The following UGT1A10 variants were observed in gnomAD, a reference collection of about 807,000 sequenced individuals.
UGT1A10 encodes UDP-glucuronosyltransferase 1A10.
In UGT1A10, 49 loss-of-function variants were observed where a neutral mutation model predicts 45.8. That is an observed-to-expected ratio of 1.07 (90% CI 0.85 to 1.36). The LOEUF (loss-of-function observed/expected upper bound fraction) is 1.36, where lower values mean the gene tolerates loss of function less well. UGT1A10 is among the 40% of genes most tolerant of loss of function. The pLI is 0.00. For synonymous variants in UGT1A10, 284 were observed against 249.7 expected (o/e 1.14, Z -1.29); for missense variants, 745 against 668.6 (o/e 1.11, Z -1.26).
chr2:233,759,396 C>T (rs1317272404), intron 1 of UGT1A10, among the ~76,000 whole-genome samples: 1 of 152,086 alleles, frequency 6.6e-6, no homozygotes, highest in African/African-American at 2.4e-5. Context: ...TCAGAGTAAC[C>T]GTGTGACCTG....
chr2:233,767,204 A>G, intron 2 of UGT1A10, 39 bp downstream of exon 2: 1 of 1,613,356 alleles, frequency 6.2e-7, no homozygotes, highest in Non-Finnish European at 8.5e-7. Flanking sequence ...ATCTATTTTC[A>G]CAGGAGCGCT....
chr2:233,752,917 C>T (rs758108184), intron 1 of UGT1A10, among the ~76,000 whole-genome samples: 1 of 152,208 alleles, frequency 6.6e-6, no homozygotes, highest in Non-Finnish European at 1.5e-5. Flanking sequence ...CTCTGAGTGA[C>T]ACTGGTATGC....
chr2:233,636,845 T>C lies in UGT1A10; in HGVS notation c.323T>C (p.Leu108Pro), dbSNP rs1323587461. Reference sequence around the variant, plus strand: ...GCACAGGCACAAAGTATATTTTCTCTATTAATGAGTTCATCCAGTGGTTTT... The same window carrying C: ...GCACAGGCACAAAGTATATTTTCTCCATTAATGAGTTCATCCAGTGGTTTT... The part of the protein sequence containing the change: ...WKAQAQSIFS[L>P]LMSSSSGFLD... The change falls in exon 1 of 5, where the codon CTA becomes CCA. Residue 108 changes from leucine (L) to proline (P), a missense_variant. By Grantham distance (98) the Leu-to-Pro change is moderately conservative. Transcript: ENST00000344644. 4 of 1,614,038 alleles carry C rather than the reference T, an allele frequency of 2.5e-6. No individual in the cohort carries two copies. The highest frequency in any genetic ancestry group is 3.4e-6 in the Non-Finnish European group (4 of 1,179,972).
At chr2:233,680,906 T>C (rs1045002964) in intron 1 of UGT1A10, among the ~76,000 whole-genome samples, 3 of 151,948 alleles carry the variant, frequency 2.0e-5, no homozygotes, top group Non-Finnish European at 4.4e-5. Context: ...CTGCAGACAA[T>C]GTATCTGAGG....
intron 1 of UGT1A10, among the ~76,000 whole-genome samples, chr2:233,700,492 A>G (rs770742590): frequency 7.9e-5 from 12 of 152,320 alleles, no homozygotes; most frequent in East Asian, 3.9e-4. Flanking sequence ...AGTACATAAA[A>G]GCCTAGAAAC....
At chr2:233,655,713 G>T (rs187663919) in intron 1 of UGT1A10, among the ~76,000 whole-genome samples, 13 of 152,302 alleles carry the variant, frequency 8.5e-5, no homozygotes, top group African/African-American at 1.9e-4. Context: ...TGGCCTCAGG[G>T]TGCCTGTCAG....
chr2:233,749,046 C>T (rs1190467042), intron 1 of UGT1A10, among the ~76,000 whole-genome samples: 1 of 151,734 alleles, frequency 6.6e-6, no homozygotes, highest in Non-Finnish European at 1.5e-5. Flanking sequence ...ATGTGGTACT[C>T]TGGGACCTGA....
At chr2:233,743,408 C>T in intron 1 of UGT1A10, 1 of 1,315,376 alleles carries the variant, frequency 7.6e-7, no homozygotes. Flanking sequence ...GAAAGGCCCC[C>T]ACTTCCCAGG....
At chr2:233,640,328 C>G (rs564464359) in intron 1 of UGT1A10, among the ~76,000 whole-genome samples, 2 of 152,080 alleles carry the variant, frequency 1.3e-5, no homozygotes, top group African/African-American at 4.8e-5. Flanking sequence ...TTTAAAGAAA[C>G]TTTTTGGCTG....
chr2:233,683,353 T>C (rs2074630089), intron 1 of UGT1A10, among the ~76,000 whole-genome samples: 1 of 152,192 alleles, frequency 6.6e-6, no homozygotes, highest in South Asian at 2.1e-4. Context: ...AGTCTTTACT[T>C]TGGATGCAAT....
intron 1 of UGT1A10, among the ~76,000 whole-genome samples, chr2:233,653,690 G>A (rs912065195): frequency 2.0e-5 from 3 of 152,182 alleles, no homozygotes; most frequent in East Asian, 1.9e-4. Context: ...TCTGCTGCCC[G>A]AGTTCAAGCG....
chr2:233,755,009 G>C (rs1198421851), intron 1 of UGT1A10: 1 of 1,292,254 alleles, frequency 7.7e-7, no homozygotes, highest in African/African-American at 1.5e-5. Context: ...AGACCTACTC[G>C]AAGGGGTCCT....
chr2:233,651,803 TTG>T (rs888901475), intron 1 of UGT1A10, among the ~76,000 whole-genome samples: 1 of 152,096 alleles, frequency 6.6e-6, no homozygotes, highest in African/African-American at 2.4e-5. Flanking sequence ...CCACGCGTGT[TTG>T]TGTGTGTGCA....
chr2:233,639,358 C>G (rs554501283), intron 1 of UGT1A10, among the ~76,000 whole-genome samples: 47 of 152,276 alleles, frequency 3.1e-4, no homozygotes, highest in African/African-American at 9.4e-4. Flanking sequence ...AATTCGATCT[C>G]AAAGAGGGCT....
chr2:233,672,289 T>A, intron 1 of UGT1A10: 1 of 1,613,896 alleles, frequency 6.2e-7, no homozygotes, highest in Non-Finnish European at 8.5e-7. Flanking sequence ...CATTTTTGAC[T>A]TATTTTTTTC....
chr2:233,636,795 G>T lies in UGT1A10; in HGVS notation c.273G>T (p.Met91Ile). 2 of 1,614,174 alleles carry T rather than the reference G, an allele frequency of 1.2e-6. No homozygotes were observed. Among genetic ancestry groups the T allele is most frequent in the Non-Finnish European group, 1.7e-6 (2 of 1,180,014 alleles). The change falls in exon 1 of 5, where the codon ATG becomes ATT. Residue 91 changes from methionine to isoleucine, a missense_variant. Transcript: ENST00000344644. ...TGGAAGATCAGAACCGGGAATTCAT[G>T]GTTTTCGCCCATGCTCAATGGAAAG... The part of the protein sequence containing the change: ...YTLEDQNREF[M>I]VFAHAQWKAQ...
At chr2:233,668,179 A>G (rs1342011394) in intron 1 of UGT1A10, among the ~76,000 whole-genome samples, 1 of 151,840 alleles carries the variant, frequency 6.6e-6, no homozygotes, top group African/African-American at 2.4e-5. Context: ...TACATTAGGT[A>G]TTTTTCCTAA....
intron 1 of UGT1A10, among the ~76,000 whole-genome samples, chr2:233,658,291 T>C (rs756244346): frequency 6.6e-6 from 1 of 152,164 alleles, no homozygotes; most frequent in Non-Finnish European, 1.5e-5. Flanking sequence ...AGTGCTGGGA[T>C]TACAGGTGTG....
At chr2:233,640,424 G>A (rs977105444) in intron 1 of UGT1A10, among the ~76,000 whole-genome samples, 1 of 151,636 alleles carries the variant, frequency 6.6e-6, no homozygotes, top group African/African-American at 2.4e-5. Flanking sequence ...TTTGTTACAC[G>A]GCCACAATAT....
Sources: gnomAD v4.1 joint callset for allele counts (sites outside exome capture counted in the v4.1 genomes callset) on GRCh38, gnomAD v4.1.1 for gene constraint, MANE v1.5 for transcripts, NCBI Gene and HGNC (gene_info 2026-07-23, HGNC 2026-07-21) for gene names.